LRRC4B: variants seen among roughly 807,000 people sequenced by gnomAD.
LRRC4B encodes the protein leucine-rich repeat-containing protein 4B.
In LRRC4B, 1 loss-of-function variant was observed where a neutral mutation model predicts 7.3. The observed-to-expected ratio is 0.14, with a 90% CI of 0.05 to 0.65. The LOEUF is 0.65. Ranked by LOEUF, LRRC4B falls within the 30% of genes least tolerant of loss-of-function variation. The pLI, the probability that LRRC4B is intolerant of heterozygous loss-of-function variation, is 0.84. For missense variants in LRRC4B, 730 were observed against 1,041.6 expected, an observed-to-expected ratio of 0.70 and a Z score of 4.12; for synonymous variants, 500 against 499.2, an observed-to-expected ratio of 1.00 and a Z score of -0.02.
chr19:50,567,288 G>GA (rs1431527834), intron 1 of LRRC4B, among the ~76,000 whole-genome samples: 3 of 151,796 alleles, frequency 2.0e-5, no homozygotes, highest in Non-Finnish European at 4.4e-5. Flanking sequence ...AGGGGCAGGG[G>GA]TCCGAGCCGC....
intron 1 of LRRC4B, among the ~76,000 whole-genome samples, chr19:50,558,200 TACAC>T (rs71182737): frequency 4.0e-4 from 59 of 147,696 alleles, no homozygotes; most frequent in South Asian, 4.4e-4. Context: ...ACTGTATACA[TACAC>T]ACACACACAC....
intron 2 of LRRC4B, among the ~76,000 whole-genome samples, chr19:50,530,408 C>T (rs1052102309): frequency 6.6e-6 from 1 of 152,230 alleles, no homozygotes; most frequent in Non-Finnish European, 1.5e-5. Context: ...ACCCTCTCGC[C>T]GGGCACTCCA....
At chr19:50,550,056 CG>C (rs1981988942) in intron 1 of LRRC4B, among the ~76,000 whole-genome samples, 1 of 152,162 alleles carries the variant, frequency 6.6e-6, no homozygotes, top group South Asian at 2.1e-4. Context: ...ATAGTCTCTC[CG>C]GAACACTGGG....
rs1331016903 is a variant in LRRC4B at position 50,537,604 on chromosome 19, T to C, written c.297+10938A>G. Among the ~76,000 whole-genome samples the C allele has an allele frequency of 6.6e-6, 1 of 152,188 alleles. No individual in the cohort carries two copies. The highest frequency in any genetic ancestry group is 1.5e-5 in the Non-Finnish European group (1 of 68,010). ...CCCGAGGCTCAGGGGCCATGTGGCT[T>C]TGCAGGACGCCAAGCAATTCTACGC... On this transcript the variant is annotated intron_variant, in intron 2 of 2. Transcript: ENST00000652263. This position sits in a 1 kb window ranked among gnomAD's most constrained non-coding sequence, Gnocchi z 5.5.
Position 50,553,209 on chromosome 19 carries a change from G to A in LRRC4B, c.-35-4336C>T, listed in dbSNP as rs1456141966. Among the ~76,000 whole-genome samples, 1 of 151,984 alleles carries A rather than the reference G, an allele frequency of 6.6e-6. No homozygotes were observed. The highest frequency in any genetic ancestry group is 1.5e-5 in the Non-Finnish European group (1 of 67,966). On this transcript the variant is annotated intron_variant, in intron 1 of 2. Coordinates refer to ENST00000652263, the MANE Select transcript of LRRC4B (RefSeq NM_001080457.2). The surrounding 1 kb of genome is among the most constrained non-coding windows in gnomAD (Gnocchi z 4.2). ...AACGATTACAGTGTCCTCCCCTCCA[G>A]CCTCCCCATTTCTGCCTTCACCCCC...
intron 2 of LRRC4B, among the ~76,000 whole-genome samples, chr19:50,547,643 G>A (rs571377598): frequency 3.4e-5 from 5 of 148,426 alleles, no homozygotes; most frequent in Non-Finnish European, 5.9e-5. Context: ...GGGGTGGGGT[G>A]CTACTGGCAT....
In LRRC4B at chr19:50,517,559, G is replaced by A. The variant is rs769920915; in HGVS notation, c.*12C>T. ...GGGGCTCCACGCCCCTCGCCCGCCC[G>A]GCCCCGCCGCCTCAGATCTGCGTCT... On this transcript the variant is annotated 3_prime_UTR_variant, in exon 3 of 3. Transcript: ENST00000652263. This position sits in a 1 kb window ranked among gnomAD's most constrained non-coding sequence, Gnocchi z 6.6. 2.1e-6 allele frequency: 3 copies of A among 1,417,412 alleles called. No individual in the cohort carries two copies. Among genetic ancestry groups the A allele is most frequent in the Non-Finnish European group, 2.8e-6 (3 of 1,084,624 alleles). The allele number at this position is 1,417,412 out of a possible 1,614,324, so 87.8% of individuals were successfully genotyped here.
At chr19:50,540,133 T>C (rs1230691449) in intron 2 of LRRC4B, among the ~76,000 whole-genome samples, 1 of 152,168 alleles carries the variant, frequency 6.6e-6, no homozygotes, top group East Asian at 1.9e-4. Context: ...TCATCCACTA[T>C]TATTTGAAAC....
chr19:50,525,952 C>T (rs868272842), intron 2 of LRRC4B, among the ~76,000 whole-genome samples: 3 of 152,014 alleles, frequency 2.0e-5, no homozygotes, highest in African/African-American at 4.8e-5. Context: ...ACCCAGGAGG[C>T]GAGGTTGCGG....
Position 50,563,241 on chromosome 19 carries a change from G to T in LRRC4B, c.-36+4703C>A, listed in dbSNP as rs547959954. ...CTGCCATGACAACAGTTGCGCGTGG[G>T]TTTCCAGGCAACAAGGGGCATCCTG... On this transcript the variant is annotated intron_variant, in intron 1 of 2. Transcript: ENST00000652263. The surrounding 1 kb of genome is among the most constrained non-coding windows in gnomAD (Gnocchi z 4.9). Among the ~76,000 whole-genome samples, 1 of 152,240 alleles carries T rather than the reference G, an allele frequency of 6.6e-6. No homozygotes were observed. Among genetic ancestry groups the T allele is most frequent in the Admixed American group, 6.5e-5 (1 of 15,290 alleles).
At chr19:50,522,508 G>A (rs981929232) in intron 2 of LRRC4B, among the ~76,000 whole-genome samples, 2 of 146,990 alleles carry the variant, frequency 1.4e-5, no homozygotes, top group Admixed American at 6.8e-5. Context: ...ATGGAGTCTC[G>A]CTCTGTCGCC....
rs190220944 is a variant in LRRC4B, at chr19:50,548,758, G to A, written c.81C>T (p.Leu27=). The change falls in exon 2 of 3, where the codon CTC becomes CTT. Residue 27 remains leucine, a synonymous_variant. Coordinates refer to ENST00000652263, the MANE Select transcript of LRRC4B (RefSeq NM_001080457.2). The surrounding 1 kb of genome is among the most constrained non-coding windows in gnomAD (Gnocchi z 6.8). Reference sequence around the variant, plus strand: ...CCCCCAGGGGTGGGGAGAAGAGCCAGAGGAAGAGCAATGCCCCGTGGGGCC... The same window carrying A: ...CCCCCAGGGGTGGGGAGAAGAGCCAAAGGAAGAGCAATGCCCCGTGGGGCC... ...MSWPHGALLF[L]WLFSPPLGAG... 13,187 of 1,540,042 alleles carry A rather than the reference G, an allele frequency of 8.6e-3. 89 individuals are homozygous for A. The highest frequency in any genetic ancestry group is 9.8e-3 in the Non-Finnish European group (11,244 of 1,147,614).
rs1981356720 is a variant in LRRC4B, at chr19:50,537,869, C to A, written c.297+10673G>T. On this transcript the variant is annotated intron_variant, in intron 2 of 2. Transcript: ENST00000652263. This position sits in a 1 kb window ranked among gnomAD's most constrained non-coding sequence, Gnocchi z 5.5. ...TCAGCTGGAATGAGAGCCAGGGAGG[C>A]CGCAGTTAGACACGAAGTCTCAGCA... is the stretch of plus-strand genomic sequence containing the variant. 6.6e-6 allele frequency among the ~76,000 whole-genome samples: 1 copy of A among 152,066 alleles called. No individual in the cohort carries two copies. Among genetic ancestry groups the A allele is most frequent in the South Asian group, 2.1e-4 (1 of 4,808 alleles).
intron 2 of LRRC4B, among the ~76,000 whole-genome samples, chr19:50,540,232 G>A (rs927602308): frequency 2.6e-5 from 4 of 152,160 alleles, no homozygotes; most frequent in East Asian, 1.9e-4. Flanking sequence ...GCCACAGACC[G>A]GTACTGGTGG....
Position 50,519,399 on chromosome 19 carries a change from G to A in LRRC4B, c.314C>T (p.Thr105Met), listed in dbSNP as rs992735749. The A allele has an allele frequency of 8.8e-6, 14 of 1,598,892 alleles. No individual in the cohort carries two copies. Among genetic ancestry groups the A allele is most frequent in the African/African-American group, 2.7e-5 (2 of 74,824 alleles). Residue 105 changes from threonine (T) to methionine (M), a missense_variant, in exon 3 of 3, where the codon ACG (threonine) becomes ATG (methionine). Transcript: ENST00000652263. This position sits in a 1 kb window ranked among gnomAD's most constrained non-coding sequence, Gnocchi z 8.1. ...ENGIQVIRTD[T>M]FKHLRHLEIL... ...CTCCAGGTGCCGCAGGTGCTTGAAC[G>A]TGTCCGTCCGGATCACCTGGGGAGA...
intron 1 of LRRC4B, among the ~76,000 whole-genome samples, chr19:50,552,585 CATCT>C (rs1458552418): frequency 6.9e-5 from 10 of 145,210 alleles, no homozygotes; most frequent in South Asian, 2.2e-4. Context: ...TCCGTCCATC[CATCT>C]GTCCATCCAT....
At chr19:50,543,848 A>C (rs1301661955) in intron 2 of LRRC4B, among the ~76,000 whole-genome samples, 1 of 118,744 alleles carries the variant, frequency 8.4e-6, no homozygotes, top group Admixed American at 8.5e-5. Context: ...GTGAGCCTCC[A>C]TCTCAAAAAA....
At chr19:50,526,557 C>T (rs1046328804) in intron 2 of LRRC4B, among the ~76,000 whole-genome samples, 2 of 152,042 alleles carry the variant, frequency 1.3e-5, no homozygotes, top group Admixed American at 6.6e-5. Flanking sequence ...AAAGGATAGA[C>T]GAAGGATAGG....
chr19:50,549,260 G>T (rs183939387), intron 1 of LRRC4B, among the ~76,000 whole-genome samples: 1 of 152,312 alleles, frequency 6.6e-6, no homozygotes, highest in Non-Finnish European at 1.5e-5. Flanking sequence ...GAGTGAGACA[G>T]ACAGACAGAC....
Sources: gnomAD v4.1 joint callset for allele counts (sites outside exome capture counted in the v4.1 genomes callset) on GRCh38, gnomAD v4.1.1 for gene constraint, Gnocchi (gnomAD v3.1) non-coding constraint, MANE v1.5 for transcripts, NCBI Gene and HGNC (gene_info 2026-07-23, HGNC 2026-07-21) for gene names.